MACF1: variants seen among roughly 807,000 people sequenced by gnomAD.
MACF1 encodes microtubule actin crosslinking factor 1, also known as microtubule-actin cross-linking factor 1.
Under a neutral mutation model 854.8 loss-of-function variants are expected in MACF1, and 193 were observed. The ratio of observed to expected loss-of-function variants is 0.23; its 90% confidence interval spans 0.20 to 0.25. The LOEUF is 0.25. Among genes scored for constraint, MACF1 ranks in the 10% least tolerant of loss-of-function variants. The probability of loss-of-function intolerance (pLI) is 1.00; values close to 1 mark genes in which losing one functional copy is unlikely to be tolerated. For synonymous variants in MACF1, 3,185 were observed against 3,226.7 expected, an observed-to-expected ratio of 0.99 and a Z score of 0.44; for missense variants, 7,722 against 8,929.1, an observed-to-expected ratio of 0.86 and a Z score of 5.45.
intron 2 of MACF1, among the ~76,000 whole-genome samples, chr1:39,249,291 C>T (rs748485801): frequency 2.6e-5 from 4 of 152,144 alleles, no homozygotes; most frequent in Non-Finnish European, 5.9e-5. Flanking sequence ...GAAACTGAGG[C>T]CGGTTTTTCC....
intron 20 of MACF1, among the ~76,000 whole-genome samples, chr1:39,297,074 C>T (rs1645936164): frequency 6.6e-6 from 1 of 151,948 alleles, no homozygotes; most frequent in Non-Finnish European, 1.5e-5. Flanking sequence ...CAGGCGCCCA[C>T]CACCACGCCC....
At chr1:39,328,200 A>C (rs1646652573) in intron 36 of MACF1, among the ~76,000 whole-genome samples, 1 of 152,210 alleles carries the variant, frequency 6.6e-6, no homozygotes, top group African/African-American at 2.4e-5. Flanking sequence ...ACCACAAGAC[A>C]AAACCAGCTA....
intron 1 of MACF1, among the ~76,000 whole-genome samples, chr1:39,220,275 C>G (rs185718751): frequency 5.1e-4 from 78 of 151,732 alleles, no homozygotes; most frequent in Middle Eastern, 6.8e-3. Flanking sequence ...CAGGTTCAAG[C>G]CATTTTCCTA....
At chr1:39,152,902 T>C (rs1643612733) in intron 2 of MACF1, among the ~76,000 whole-genome samples, 1 of 152,126 alleles carries the variant, frequency 6.6e-6, no homozygotes, top group Non-Finnish European at 1.5e-5. Flanking sequence ...AGAGACTTGT[T>C]TGATTTGCTG....
At chr1:39,345,013 A>G (rs76289074) in intron 40 of MACF1, among the ~76,000 whole-genome samples, 2,998 of 152,262 alleles carry the variant, frequency 0.02, 108 homozygotes, top group African/African-American at 0.069. Flanking sequence ...TGCCCTGCTC[A>G]TATCTGCCTA....
Position 39,485,637 on chromosome 1 carries a change from T to G in MACF1, c.22511T>G (p.Leu7504Arg), listed in dbSNP as rs774781135. ...RRGSDASDFD[L>R]LETQSACSDT... ...GGAAGTGACGCTTCTGACTTTGACC[T>G]CTTAGAGACGCAGTCTGCTTGTTCC... Residue 7504 changes from leucine to arginine, a missense_variant, in exon 101 of 101, where the codon CTC becomes CGC. By Grantham distance (102) the Leu-to-Arg change is moderately radical. Coordinates refer to ENST00000564288, the MANE Select transcript of MACF1 (RefSeq NM_001394062.1). 2 of 1,614,106 alleles carry G rather than the reference T, an allele frequency of 1.2e-6. No individual in the cohort carries two copies. The highest frequency in any genetic ancestry group is 1.7e-6 in the Non-Finnish European group (2 of 1,180,012).
Position 39,309,620 on chromosome 1 carries a change from T to G in MACF1, c.2840T>G (p.Val947Gly), listed in dbSNP as rs751507650. ...KVMALWHQLH[V>G]NTKSLISWNY... is the part of the protein sequence containing the mutation. ...ATGGCCCTTTGGCATCAGCTGCATG[T>G]TAACACCAAAAGCCTTATCTCTTGG... Residue 947 changes from valine (V) to glycine (G), a missense_variant, in exon 24 of 101, where the codon GTT becomes GGT. Around this residue, in one of 15 missense-constraint regions of MACF1, gnomAD observed 1,137 missense variants for 1,263.0 expected, o/e 0.90. Transcript: ENST00000564288. 1 of 1,614,078 alleles carries G rather than the reference T, an allele frequency of 6.2e-7. No individual in the cohort carries two copies. The highest frequency in any genetic ancestry group is 1.3e-5 in the African/African-American group (1 of 74,940).
intron 2 of MACF1, among the ~76,000 whole-genome samples, chr1:39,118,978 T>A (rs1026288537): frequency 2.6e-5 from 4 of 151,994 alleles, no homozygotes; most frequent in Non-Finnish European, 5.9e-5. Flanking sequence ...TAAATAAAAG[T>A]TCTAGAAATT....
Position 39,484,658 on chromosome 1 carries a change from C to T in MACF1, c.22339C>T (p.Arg7447Trp), listed in dbSNP as rs772283186. The change falls in exon 100 of 101, where the codon CGG becomes TGG. Residue 7447 changes from arginine (R) to tryptophan (W), a missense_variant. Arg to Trp is a moderately radical substitution (Grantham distance 101). Coordinates refer to ENST00000564288, the MANE Select transcript of MACF1 (RefSeq NM_001394062.1). The part of the protein sequence containing the change: ...KRPTPTFHSS[R>W]TSLAGDTSNS... The stretch of plus-strand genomic sequence containing the variant: ...ACCAACACCAACTTTTCATTCTAGT[C>T]GGACATCCCTTGCTGGTGATACCAG... 3 of 1,613,968 alleles carry T rather than the reference C, an allele frequency of 1.9e-6. No individual in the cohort carries two copies. The highest frequency in any genetic ancestry group is 1.1e-5 in the South Asian group (1 of 91,062).
At chr1:39,198,865 T>C (rs1042601241) in intron 2 of MACF1, among the ~76,000 whole-genome samples, 2 of 152,126 alleles carry the variant, frequency 1.3e-5, no homozygotes, top group African/African-American at 4.8e-5. Flanking sequence ...GCAATTAATA[T>C]ATACTGTTGT....
At position 39,477,135 on chromosome 1, in the gene MACF1, T is replaced by TATACACACACACAC. The variant is rs71060314; in HGVS notation, c.21959-2662_21959-2661insTACACACACACACA. Among the ~76,000 whole-genome samples the TATACACACACACAC allele has an allele frequency of 1.2e-4, 12 of 103,374 alleles. 1 individual carries two copies. Among genetic ancestry groups the TATACACACACACAC allele is most frequent in the African/African-American group, 7.8e-5 (2 of 25,794 alleles). 67.8% of individuals were successfully genotyped at this position (103,374 alleles called of 152,430 possible). ...CACTTAGTGTATATATATATATATATACACACACACACACACACAGATGTG... is the reference window on the plus strand; with the variant it reads ...CACTTAGTGTATATATATATATATATATACACACACACACACACACACACACACACACAGATGTG... On this transcript the variant is annotated intron_variant, in intron 97 of 100. Coordinates refer to ENST00000564288, the MANE Select transcript of MACF1 (RefSeq NM_001394062.1).
At chr1:39,413,937 C>A (rs1643162814) in intron 58 of MACF1, 1 of 1,604,888 alleles carries the variant, frequency 6.2e-7, no homozygotes. Context: ...CAGTGCCCAC[C>A]TCTGAGGAGC....
At chr1:39,440,952 A>G in intron 72 of MACF1, 51 bp from the exon 73 acceptor site, 1 of 1,605,862 alleles carries the variant, frequency 6.2e-7, no homozygotes, top group South Asian at 1.1e-5. Context: ...AAGTTTGGTA[A>G]GTTCTGTTCT....
Position 39,285,622 on chromosome 1 carries a change from T to C in MACF1, c.1372T>C (p.Ser458Pro). The C allele has an allele frequency of 6.2e-7, 1 of 1,613,794 alleles. No homozygotes were observed. The highest frequency in any genetic ancestry group is 1.1e-5 in the South Asian group (1 of 91,070). The change falls in exon 14 of 101, where the codon TCA (serine) becomes CCA (proline). Residue 458 changes from serine to proline, a missense_variant. Physicochemically the swap from Ser to Pro is moderately conservative, Grantham distance 74 (BLOSUM62 -1). Around this residue, in one of 15 missense-constraint regions of MACF1, gnomAD observed 1,137 missense variants for 1,263.0 expected, o/e 0.90. Transcript: ENST00000564288. ...GTCTCAGGATGCTGCTCACCTGGAA[T>C]CAGGACAACCGGTACAATGTGAGTC... ...TLQADAAHLE[S>P]GQPVQCESDV...
chr1:39,120,185 A>G (rs935434652), intron 2 of MACF1, among the ~76,000 whole-genome samples: 4 of 152,014 alleles, frequency 2.6e-5, no homozygotes, highest in Non-Finnish European at 5.9e-5. Context: ...CACCTGGCCA[A>G]TAAAGCCTCT....
intron 2 of MACF1, among the ~76,000 whole-genome samples, chr1:39,089,922 A>G (rs1641763755): frequency 6.6e-6 from 1 of 152,230 alleles, no homozygotes; most frequent in African/African-American, 2.4e-5. Context: ...ATGGCCCGTT[A>G]CTGCACTTAA....
Position 39,333,123 on chromosome 1 carries a change from G to T in MACF1, c.6535G>T (p.Glu2179Ter), listed in dbSNP as rs1213823716. The T allele has an allele frequency of 1.2e-6, 2 of 1,614,074 alleles. No individual in the cohort carries two copies. Among genetic ancestry groups the T allele is most frequent in the African/African-American group, 1.3e-5 (1 of 75,038 alleles). ...TCAGAATGAACAAGCACACACTCTT[G>T]AGACTGAATATATTCATGATGAAAC... ...TCQNEQAHTLETEYIHDETGG... is the reference protein window; with the variant it reads ...TCQNEQAHTL Residue 2179 changes from glutamate (E) to a stop codon, truncating the protein, a stop_gained, in exon 37 of 101, where the codon GAG becomes TAG. Transcript: ENST00000564288. LOFTEE classifies it high-confidence loss of function.
In MACF1 at chr1:39,105,152, C is replaced by G. The variant is rs1389100739; in HGVS notation, c.220+20714C>G. Among the ~76,000 whole-genome samples, 2 of 151,892 alleles carry G rather than the reference C, an allele frequency of 1.3e-5. No homozygotes were observed. The highest frequency in any genetic ancestry group is 6.6e-5 in the Admixed American group (1 of 15,264). ...GCGTGGGCCGGCCTCTCGCGCCCCT[C>G]GGCTCGGGCCCCAGTCCGGGCCGGG... On this transcript the variant is annotated intron_variant, in intron 2 of 93. Coordinates refer to the MACF1 transcript ENST00000361689. The surrounding 1 kb of genome is among the most constrained non-coding windows in gnomAD (Gnocchi z 5.9).
At chr1:39,385,387 ATC>A in intron 56 of MACF1, 45 bp from the exon 57 acceptor site, 1 of 1,592,070 alleles carries the variant, frequency 6.3e-7, no homozygotes, top group Non-Finnish European at 8.6e-7. Context: ...TTTTAGATAG[ATC>A]TGTTTTTTTC....
Sources: gnomAD v4.1 joint callset for allele counts (sites outside exome capture counted in the v4.1 genomes callset) on GRCh38, gnomAD v4.1.1 for gene constraint, gnomAD v4.1.1 regional missense constraint, Gnocchi (gnomAD v3.1) non-coding constraint, MANE v1.5 for transcripts, NCBI Gene and HGNC (gene_info 2026-07-23, HGNC 2026-07-21) for gene names.